Variants in COL9A3 observed in about 807,000 individuals in gnomAD.
The protein encoded by COL9A3 is collagen alpha-3(IX) chain.
Under a neutral mutation model 110.2 loss-of-function variants are expected in COL9A3, and 82 were observed. The ratio of observed to expected loss-of-function variants is 0.74; its 90% CI spans 0.62 to 0.89. The LOEUF is 0.89. Ranked by LOEUF, COL9A3 falls within the 40% of genes least tolerant of loss-of-function variation. The pLI, the probability that COL9A3 is intolerant of heterozygous loss-of-function variation, is 0.00. For missense variants in COL9A3, 1,066 were observed against 981.3 expected (o/e 1.09, Z -1.15); for synonymous variants, 494 against 403.8 (o/e 1.22, Z -2.68).
chr20:62,838,180 C>T (rs141082818), intron 30 of COL9A3, among the ~76,000 whole-genome samples: 7 of 152,366 alleles, frequency 4.6e-5, no homozygotes, highest in Non-Finnish European at 8.8e-5. Flanking sequence ...CAGCCGTGCA[C>T]GGCTCAGCAG....
intron 26 of COL9A3, among the ~76,000 whole-genome samples, chr20:62,834,712 A>G (rs556185932): frequency 4.0e-5 from 6 of 151,806 alleles, no homozygotes; most frequent in Admixed American, 2.0e-4. Context: ...GTGTGATCTC[A>G]GCTCACTGCA....
chr20:62,826,753 TCTCTC>T lies in COL9A3; in HGVS notation c.739-9_739-5del. On this transcript the variant is annotated splice_polypyrimidine_tract_variant and intron_variant, in intron 14 of 31. Transcript: ENST00000649368. The stretch of plus-strand genomic sequence containing the variant: ...TCAGACAAGAGGACCCCGGATCCCC[TCTCTC>T]CTCTGCAGGGTCCCATTGGGTTCCG... 6.2e-7 allele frequency: 1 copy of T among 1,612,430 alleles called. No homozygotes were observed. Among genetic ancestry groups the T allele is most frequent in the Non-Finnish European group, 8.5e-7 (1 of 1,179,784 alleles).
chr20:62,835,406 G>A (rs893005824), intron 26 of COL9A3, among the ~76,000 whole-genome samples: 8 of 152,250 alleles, frequency 5.3e-5, no homozygotes, highest in African/African-American at 7.2e-5. Flanking sequence ...AACCCACTGC[G>A]GAGACAACGG....
rs147275440 is a variant in COL9A3, at chr20:62,823,199, G to A, written c.519+567G>A. ...CAAAAAATTGTTAAAGTAGCCAGAC[G>A]TGGTGGCGTGCCTGTTGTCCTAGCT... On this transcript the variant is annotated intron_variant, in intron 10 of 31. Coordinates refer to ENST00000649368, the MANE Select transcript of COL9A3 (RefSeq NM_001853.4). 2.8e-3 allele frequency among the ~76,000 whole-genome samples: 423 copies of A among 152,304 alleles called. 4 individuals carry two copies. Among genetic ancestry groups the A allele is most frequent in the Middle Eastern group, 6.8e-3 (2 of 294 alleles).
chr20:62,838,933 GT>G (rs763000442), intron 31 of COL9A3, among the ~76,000 whole-genome samples, 172 bp downstream of exon 31: 19 of 152,246 alleles, frequency 1.2e-4, no homozygotes, highest in Non-Finnish European at 2.5e-4. Flanking sequence ...ATACATAAAA[GT>G]TTAATCGGGG....
chr20:62,840,503 C>A, intron 31 of COL9A3, 39 bp from the exon 32 acceptor site: 1 of 1,582,966 alleles, frequency 6.3e-7, no homozygotes, highest in East Asian at 2.2e-5. Flanking sequence ...GCTTTCAGTC[C>A]GGGCTGCAGC....
chr20:62,821,966 C>G, intron 8 of COL9A3, 145 bp from the exon 9 acceptor site: 1 of 762,868 alleles, frequency 1.3e-6, no homozygotes, highest in Non-Finnish European at 2.4e-6. Flanking sequence ...ATGATCCAGA[C>G]CCGACCTCAG....
At position 62,817,115 on chromosome 20, in the gene COL9A3, G is replaced by C. The variant is rs769231410; in HGVS notation, c.51G>C (p.Gly17=). Residue 17 remains glycine, a synonymous_variant, in exon 1 of 32, where the codon GGG becomes GGC. Transcript: ENST00000649368. ...CGCTCCTGCTCCTGCTCCTGCTCGGGGAGCTTCTGGCGGCCGCCGGGGCGC... is the reference window on the plus strand; with the variant it reads ...CGCTCCTGCTCCTGCTCCTGCTCGGCGAGCTTCTGGCGGCCGCCGGGGCGC... ...CAPLLLLLLL[G]ELLAAAGAQR... 2.9e-6 allele frequency: 4 copies of C among 1,401,192 alleles called. No homozygotes were observed. The South Asian group carries it at 5.6e-5, about 20-fold the overall frequency. 86.8% of individuals were successfully genotyped at this position (1,401,192 alleles called of 1,614,324 possible). A position where few individuals can be genotyped will look rare whatever the true frequency, so the allele number is the denominator to read the frequency against.
At chr20:62,838,867 C>A (rs2063654396) in intron 31 of COL9A3, 106 bp downstream of exon 31, 1 of 905,768 alleles carries the variant, frequency 1.1e-6, no homozygotes, top group Non-Finnish European at 1.8e-6. Context: ...TTTTCCTCTT[C>A]TCTTGGCAAA....
chr20:62,827,136 C>T (rs928650318), intron 15 of COL9A3, 105 bp from the exon 16 acceptor site: 25 of 1,149,656 alleles, frequency 2.2e-5, no homozygotes, highest in Non-Finnish European at 3.0e-5. Context: ...TCTCTGACCA[C>T]TCCTGGAGGG....
intron 5 of COL9A3, 112 bp downstream of exon 5, chr20:62,820,094 G>A: frequency 7.8e-7 from 1 of 1,289,128 alleles, no homozygotes; most frequent in Non-Finnish European, 1.1e-6. Flanking sequence ...AAGGACAGCT[G>A]CCCTGCCCGT....
chr20:62,829,136 T>G (rs548807613), intron 19 of COL9A3, among the ~76,000 whole-genome samples, 160 bp downstream of exon 19: 19 of 152,298 alleles, frequency 1.2e-4, no homozygotes, highest in African/African-American at 4.6e-4. Flanking sequence ...TGGTGCCCAG[T>G]GGGTGCTGTG....
intron 25 of COL9A3, 44 bp from the exon 26 acceptor site, chr20:62,832,976 C>T (rs770639139): frequency 2.5e-6 from 4 of 1,582,300 alleles, no homozygotes; most frequent in South Asian, 2.2e-5. Flanking sequence ...AGTCCCTACT[C>T]ATGCATGAAC....
chr20:62,837,387 G>T, intron 30 of COL9A3, 122 bp downstream of exon 30: 1 of 1,063,298 alleles, frequency 9.4e-7, no homozygotes, highest in South Asian at 1.3e-5. Flanking sequence ...GAACGTGGGG[G>T]CCTCTCATGT....
At chr20:62,817,419 G>A (rs1568746033) in intron 1 of COL9A3, 148 bp from the exon 2 acceptor site, 3 of 607,910 alleles carry the variant, frequency 4.9e-6, no homozygotes, top group Non-Finnish European at 8.4e-6. Flanking sequence ...CTGCGCGGGG[G>A]CGCCGGGCTC....
intron 30 of COL9A3, 148 bp from the exon 31 acceptor site, chr20:62,838,536 C>T (rs1568766889): frequency 2.5e-6 from 2 of 792,984 alleles, no homozygotes; most frequent in Non-Finnish European, 4.4e-6. Flanking sequence ...CCGTCAAGCC[C>T]TACGCGTGTG....
rs765234765 is a variant in COL9A3, at chr20:62,824,458, G to T, written c.533G>T (p.Cys178Phe). The T allele has an allele frequency of 3.7e-6, 6 of 1,602,018 alleles. No individual in the cohort carries two copies. In the South Asian group the frequency reaches 4.5e-5, roughly 12 times the overall value. The change falls in exon 11 of 32, where the codon TGC (cysteine) becomes TTC (phenylalanine). Residue 178 changes from cysteine to phenylalanine, a missense_variant. Physicochemically the swap from Cys to Phe is radical, Grantham distance 205. Coordinates refer to ENST00000649368, the MANE Select transcript of COL9A3 (RefSeq NM_001853.4). ...GTTTTCCGACAGTGCCCAAGTATCT[G>T]CCCGCCAGGTCCCCCAGGGCCCCCT... ...GATDLQCPSI[C>F]PPGPPGPPGM...
At chr20:62,833,307 C>T (rs895503585) in intron 26 of COL9A3, among the ~76,000 whole-genome samples, 12 of 152,244 alleles carry the variant, frequency 7.9e-5, no homozygotes, top group African/African-American at 2.9e-4. Flanking sequence ...TGACCCGGTG[C>T]TCAGACGTGT....
At chr20:62,840,501 T>G in intron 31 of COL9A3, 41 bp from the exon 32 acceptor site, 2 of 1,578,602 alleles carry the variant, frequency 1.3e-6, no homozygotes, top group Non-Finnish European at 1.7e-6. Flanking sequence ...CTGCTTTCAG[T>G]CCGGGCTGCA....
Sources: allele counts gnomAD v4.1 joint callset (sites outside exome capture counted in the v4.1 genomes callset), GRCh38; gene constraint gnomAD v4.1.1; transcripts MANE v1.5; gene names NCBI Gene and HGNC (gene_info 2026-07-23, HGNC 2026-07-21).